TAFA1: variants seen among roughly 807,000 people sequenced by gnomAD.
TAFA1 encodes the protein TAFA chemokine like family member 1.
In TAFA1, 4 loss-of-function variants were observed where a neutral mutation model predicts 18.5. The observed-to-expected ratio is 0.22, with a 90% CI of 0.11 to 0.49. TAFA1 has a LOEUF of 0.49. Among genes scored for constraint, TAFA1 ranks in the 20% least tolerant of loss-of-function variants. The probability of loss-of-function intolerance (pLI) is 0.98; values close to 1 mark genes in which losing one functional copy is unlikely to be tolerated. For missense variants in TAFA1, 147 were observed against 169.0 expected (o/e 0.87, Z 0.72); for synonymous variants, 56 against 55.2 (o/e 1.01, Z -0.06).
chr3:68,394,223 A>C (rs1032826284), intron 2 of TAFA1, among the ~76,000 whole-genome samples: 1 of 152,302 alleles, frequency 6.6e-6, no homozygotes, highest in South Asian at 2.1e-4. Flanking sequence ...AGAATAAAAT[A>C]CCTAGGAATA....
intron 3 of TAFA1, among the ~76,000 whole-genome samples, chr3:68,472,980 G>A (rs947433612): frequency 6.6e-6 from 1 of 152,170 alleles, no homozygotes; most frequent in African/African-American, 2.4e-5. Flanking sequence ...GCTAAGGTGG[G>A]AGGAGTGAGG....
chr3:68,049,521 T>A (rs898659013), intron 2 of TAFA1, among the ~76,000 whole-genome samples: 3 of 152,050 alleles, frequency 2.0e-5, no homozygotes, highest in African/African-American at 7.2e-5. Flanking sequence ...TTGGCACACA[T>A]GAATTCTGCA....
intron 3 of TAFA1, among the ~76,000 whole-genome samples, chr3:68,444,771 A>AATATATATATATATATATAT (rs55684696): frequency 1.1e-4 from 14 of 127,268 alleles, no homozygotes; most frequent in South Asian, 2.8e-4. Context: ...GTTTCTACAA[A>AATATATATATATATATATAT]ATATATATAT....
chr3:68,190,065 C>T (rs988442822), intron 2 of TAFA1, among the ~76,000 whole-genome samples: 5 of 151,900 alleles, frequency 3.3e-5, no homozygotes, highest in African/African-American at 1.2e-4. Flanking sequence ...GAAATTCTGT[C>T]AAAAGAACTG....
At chr3:68,530,328 G>T (rs923937861) in intron 3 of TAFA1, among the ~76,000 whole-genome samples, 2 of 152,070 alleles carry the variant, frequency 1.3e-5, no homozygotes, top group African/African-American at 4.8e-5. Flanking sequence ...GCTCTATTTA[G>T]GATTTATACT....
At chr3:68,210,480 A>T (rs1335897193) in intron 2 of TAFA1, among the ~76,000 whole-genome samples, 2 of 152,042 alleles carry the variant, frequency 1.3e-5, no homozygotes, top group Admixed American at 1.3e-4. Context: ...ATCCTCCAGG[A>T]TTACCTGACT....
chr3:68,049,682 C>A (rs552289361), intron 2 of TAFA1, among the ~76,000 whole-genome samples: 1 of 151,746 alleles, frequency 6.6e-6, no homozygotes, highest in African/African-American at 2.4e-5. Context: ...TTAATTTCTA[C>A]GACTGGAGAG....
At chr3:68,527,310 A>G (rs1391725220) in intron 3 of TAFA1, among the ~76,000 whole-genome samples, 1 of 152,280 alleles carries the variant, frequency 6.6e-6, no homozygotes, top group East Asian at 1.9e-4. Context: ...TTGAGTTGCA[A>G]AAGGTCTCTG....
intron 2 of TAFA1, among the ~76,000 whole-genome samples, chr3:68,319,107 C>T (rs535379551): frequency 1.7e-4 from 26 of 152,052 alleles, no homozygotes; most frequent in Non-Finnish European, 2.5e-4. Flanking sequence ...ATTTGGTTCA[C>T]CTTAAGGACA....
At chr3:68,248,760 G>A (rs1289351779) in intron 2 of TAFA1, among the ~76,000 whole-genome samples, 1 of 144,660 alleles carries the variant, frequency 6.9e-6, no homozygotes, top group Non-Finnish European at 1.5e-5. Context: ...TGGGGGTGGG[G>A]TAGGGAGGGT....
chr3:68,003,269 C>T (rs772971671), upstream of TAFA1, among the ~76,000 whole-genome samples: 1 of 152,154 alleles, frequency 6.6e-6, no homozygotes, highest in Non-Finnish European at 1.5e-5. Context: ...GAATCACTTG[C>T]AAAGATGTGC....
intron 2 of TAFA1, among the ~76,000 whole-genome samples, chr3:68,207,844 A>G (rs2107058610): frequency 6.6e-6 from 1 of 151,988 alleles, no homozygotes; most frequent in Middle Eastern, 3.4e-3. Flanking sequence ...TTTGAAAGAG[A>G]AAATTGAGGA....
chr3:68,385,578 T>A (rs759825395), intron 2 of TAFA1, among the ~76,000 whole-genome samples: 1 of 152,076 alleles, frequency 6.6e-6, no homozygotes, highest in Non-Finnish European at 1.5e-5. Flanking sequence ...ACTGAATAAA[T>A]CCGCATGAAG....
At chr3:68,500,725 T>A (rs2668170) in intron 3 of TAFA1, among the ~76,000 whole-genome samples, 30,759 of 151,606 alleles carry the variant, frequency 0.2, 3,215 homozygotes, top group Middle Eastern at 0.24. Flanking sequence ...AAAGTTTGCC[T>A]ATTCCTACCC....
At chr3:68,082,679 G>C (rs542746404) in intron 2 of TAFA1, among the ~76,000 whole-genome samples, 2 of 152,250 alleles carry the variant, frequency 1.3e-5, no homozygotes, top group Admixed American at 6.5e-5. Flanking sequence ...GATGAGTTTA[G>C]TTTTATATTG....
At position 68,524,565 on chromosome 3, in the gene TAFA1, A is replaced by T. The variant is rs573022576; in HGVS notation, c.260-14191A>T. ...GCATTATTAAACCACTATTGCTAGA[A>T]AAGTAAGGTTTTAAGCTACCACAAG... is the stretch of plus-strand genomic sequence containing the variant. On this transcript the variant is annotated intron_variant, in intron 3 of 4. Transcript: ENST00000478136. Among the ~76,000 whole-genome samples, 5 of 152,318 alleles carry T rather than the reference A, an allele frequency of 3.3e-5. No individual in the cohort carries two copies. In the South Asian group the frequency reaches 1.0e-3, roughly 32 times the overall value.
chr3:68,262,331 A>T (rs1279794207), intron 2 of TAFA1, among the ~76,000 whole-genome samples: 3 of 83,256 alleles, frequency 3.6e-5, no homozygotes, highest in African/African-American at 4.7e-5. Flanking sequence ...ATATATATAT[A>T]TATATATATA....
At chr3:68,503,162 A>G (rs1365883846) in intron 3 of TAFA1, among the ~76,000 whole-genome samples, 1 of 152,146 alleles carries the variant, frequency 6.6e-6, no homozygotes, top group Non-Finnish European at 1.5e-5. Flanking sequence ...CAGATGAACA[A>G]CACACATAGA....
intron 3 of TAFA1, among the ~76,000 whole-genome samples, chr3:68,516,909 G>A (rs1328089238): frequency 1.3e-5 from 2 of 152,100 alleles, no homozygotes; most frequent in African/African-American, 2.4e-5. Context: ...GAGTAGCTGG[G>A]ACTACAGGCA....
Sources: gnomAD v4.1 joint callset for allele counts (sites outside exome capture counted in the v4.1 genomes callset) on GRCh38, gnomAD v4.1.1 for gene constraint, MANE v1.5 for transcripts, NCBI Gene and HGNC (gene_info 2026-07-23, HGNC 2026-07-21) for gene names.